The following SNX3 variants were observed in gnomAD, a reference collection of about 807,000 sequenced individuals.
SNX3 encodes the protein sorting nexin 3.
SNX3 carries 5 observed loss-of-function variants against 17.7 expected under a neutral mutation model. The ratio of observed to expected loss-of-function variants is 0.28; its 90% CI spans 0.15 to 0.59. SNX3 has a LOEUF of 0.59. SNX3 is among the 20% of genes least tolerant of loss of function. SNX3 has a pLI of 0.88. For missense variants in SNX3, 132 were observed against 206.8 expected (o/e 0.64, Z 2.22); for synonymous variants, 91 against 76.5 (o/e 1.19, Z -0.99).
At chr6:108,214,977 T>G (rs970356133) in intron 2 of SNX3, among the ~76,000 whole-genome samples, 1 of 152,208 alleles carries the variant, frequency 6.6e-6, no homozygotes, top group Non-Finnish European at 1.5e-5. Flanking sequence ...CTTATTGCAA[T>G]GGAAACTGCA....
chr6:108,221,532 CTTTTTTTTTTTT>C (rs554429322), intron 2 of SNX3, among the ~76,000 whole-genome samples: 42 of 57,778 alleles, frequency 7.3e-4, no homozygotes, highest in African/African-American at 1.9e-3. Context: ...CAGTATTACA[CTTTTTTTTTTTT>C]TTTTTTTTTT....
At chr6:108,236,434 A>C (rs941683451) in intron 1 of SNX3, among the ~76,000 whole-genome samples, 1 of 140,392 alleles carries the variant, frequency 7.1e-6, no homozygotes, top group Non-Finnish European at 1.5e-5. Flanking sequence ...CCCAGGCTGG[A>C]GTGCAGTGGC....
intron 1 of SNX3, among the ~76,000 whole-genome samples, chr6:108,230,932 T>C (rs539979664): frequency 7.9e-5 from 12 of 152,318 alleles, no homozygotes; most frequent in Admixed American, 3.3e-4. Context: ...GCTAGTTAAT[T>C]TGTTACCACT....
In SNX3 at chr6:108,258,319, G is replaced by A. The variant is rs185197323; in HGVS notation, c.162+2441C>T. Among the ~76,000 whole-genome samples, 487 of 152,056 alleles carry A rather than the reference G, an allele frequency of 3.2e-3. 3 individuals carry two copies. Among genetic ancestry groups the A allele is most frequent in the African/African-American group, 0.011 (470 of 41,518 alleles). On this transcript the variant is annotated intron_variant, in intron 1 of 3. Transcript: ENST00000230085. Reference sequence around the variant, plus strand: ...CTAAAAATACAAAAATTAGCCAGGCGTGGTGGCGCATGCCTGTAATCCCAG... The same window carrying A: ...CTAAAAATACAAAAATTAGCCAGGCATGGTGGCGCATGCCTGTAATCCCAG...
intron 1 of SNX3, among the ~76,000 whole-genome samples, chr6:108,238,540 G>A (rs762069771): frequency 6.6e-6 from 1 of 151,954 alleles, no homozygotes; most frequent in Non-Finnish European, 1.5e-5. Flanking sequence ...TGAGGTAGGC[G>A]GATCCTTTGA....
In SNX3 at chr6:108,258,658, C is replaced by T. The variant is rs532082645; in HGVS notation, c.162+2102G>A. 1.1e-4 allele frequency among the ~76,000 whole-genome samples: 16 copies of T among 151,832 alleles called. No homozygotes were observed. In the South Asian group the frequency reaches 2.5e-3, roughly 24 times the overall value. On this transcript the variant is annotated intron_variant, in intron 1 of 3. Transcript: ENST00000230085. The stretch of plus-strand genomic sequence containing the variant: ...TGGAGTAGCTGGGACCTCAGGGATG[C>T]GCGCCACCACGCCCAACTAATTTCT...
chr6:108,261,002 C>A lies in SNX3; in HGVS notation c.-81G>T. On this transcript the variant is annotated 5_prime_UTR_variant, in exon 1 of 4. Transcript: ENST00000230085. ...CGCCGCCGCCGCCGCTGCTGCCCGCCGTGGGGACACGGGGCTCGCGCGCAG... is the reference window on the plus strand; with the variant it reads ...CGCCGCCGCCGCCGCTGCTGCCCGCAGTGGGGACACGGGGCTCGCGCGCAG... The A allele has an allele frequency of 1.5e-6, 2 of 1,310,604 alleles. No homozygotes were observed. Among genetic ancestry groups the A allele is most frequent in the South Asian group, 3.3e-5 (2 of 60,816 alleles). 81.2% of individuals were successfully genotyped at this position (1,310,604 alleles called of 1,614,324 possible).
At chr6:108,220,497 C>A (rs1228095924) in intron 2 of SNX3, among the ~76,000 whole-genome samples, 1 of 152,086 alleles carries the variant, frequency 6.6e-6, no homozygotes, top group Non-Finnish European at 1.5e-5. Flanking sequence ...GGCTTGTAGT[C>A]TAGGAGTAAT....
At chr6:108,230,440 G>C (rs1186547576) in intron 1 of SNX3, among the ~76,000 whole-genome samples, 1 of 152,088 alleles carries the variant, frequency 6.6e-6, no homozygotes, top group East Asian at 1.9e-4. Context: ...TGTTATTTGT[G>C]GGAAATAACA....
intron 1 of SNX3, among the ~76,000 whole-genome samples, chr6:108,226,927 T>C (rs1233584372): frequency 6.6e-6 from 1 of 152,186 alleles, no homozygotes; most frequent in African/African-American, 2.4e-5. Flanking sequence ...ACCACAACAT[T>C]TGTTCATTGT....
chr6:108,256,760 C>G (rs1236429745), intron 1 of SNX3, among the ~76,000 whole-genome samples: 1 of 152,232 alleles, frequency 6.6e-6, no homozygotes, highest in Admixed American at 6.5e-5. Context: ...ACTTCATAAA[C>G]AGTGACTGAA....
At chr6:108,223,982 C>T (rs576814976) in intron 1 of SNX3, among the ~76,000 whole-genome samples, 26 of 152,294 alleles carry the variant, frequency 1.7e-4, no homozygotes, top group African/African-American at 6.3e-4. Flanking sequence ...CTTGACTATT[C>T]TCCAGCTTAG....
intron 1 of SNX3, among the ~76,000 whole-genome samples, chr6:108,236,584 C>T (rs601061): frequency 0.084 from 12,623 of 150,838 alleles, 701 homozygotes; most frequent in Admixed American, 0.17. Flanking sequence ...GGGGTTTCAC[C>T]GTTTTTTTTT....
intron 1 of SNX3, among the ~76,000 whole-genome samples, chr6:108,252,811 G>C (rs1239852208): frequency 6.6e-6 from 1 of 151,826 alleles, no homozygotes. Flanking sequence ...GCTAATTTTT[G>C]TATTTTAGTA....
chr6:108,237,183 A>G (rs1775373008), intron 1 of SNX3, among the ~76,000 whole-genome samples: 1 of 152,222 alleles, frequency 6.6e-6, no homozygotes, highest in Non-Finnish European at 1.5e-5. Context: ...GTTAGGTATA[A>G]TAAGTGGTTG....
intron 1 of SNX3, 74 bp downstream of exon 1, chr6:108,260,686 C>A: frequency 6.4e-7 from 1 of 1,556,044 alleles, no homozygotes. Context: ...CCGCGGGGGT[C>A]CACTCCCGGG....
intron 3 of SNX3, among the ~76,000 whole-genome samples, chr6:108,214,137 AGAT>A (rs1376977936): frequency 6.6e-6 from 1 of 152,252 alleles, no homozygotes; most frequent in Admixed American, 6.5e-5. Context: ...CAATCAAACA[AGAT>A]GATTGCAAGT....
At chr6:108,243,328 T>C (rs1162073795) in intron 1 of SNX3, among the ~76,000 whole-genome samples, 1 of 152,032 alleles carries the variant, frequency 6.6e-6, no homozygotes, top group Non-Finnish European at 1.5e-5. Flanking sequence ...AAAAAACTAA[T>C]ACATCTAACA....
At chr6:108,232,223 T>C (rs1300007451) in intron 1 of SNX3, among the ~76,000 whole-genome samples, 1 of 152,198 alleles carries the variant, frequency 6.6e-6, no homozygotes. Flanking sequence ...GAGATATGTG[T>C]ATGCCGGATA....
Sources: allele counts gnomAD v4.1 joint callset (sites outside exome capture counted in the v4.1 genomes callset), GRCh38; gene constraint gnomAD v4.1.1; transcripts MANE v1.5; gene names NCBI Gene and HGNC (gene_info 2026-07-23, HGNC 2026-07-21).